TENM3: variants seen among roughly 807,000 people sequenced by gnomAD.
TENM3 encodes the protein teneurin-3.
TENM3 carries 63 observed loss-of-function variants against 255.1 expected under a neutral mutation model. The ratio of observed to expected loss-of-function variants is 0.25; its 90% CI spans 0.20 to 0.30. The LOEUF is 0.30. Ranked by LOEUF, TENM3 falls within the 10% of genes least tolerant of loss-of-function variation. TENM3 has a pLI of 1.00. For missense variants in TENM3, 2,929 were observed against 3,461.1 expected (o/e 0.85, Z 3.86); for synonymous variants, 1,306 against 1,322.3 (o/e 0.99, Z 0.27).
At chr4:181,467,054 T>G in the TENM3 span, among the ~76,000 whole-genome samples, 1 of 130,844 alleles carries the variant, frequency 7.6e-6, no homozygotes, top group Non-Finnish European at 1.6e-5. Context: ...TGGGTAATAT[T>G]TTACTAGTGT....
At chr4:181,669,377 T>C in the TENM3 span, among the ~76,000 whole-genome samples, 1 of 152,112 alleles carries the variant, frequency 6.6e-6, no homozygotes, top group African/African-American at 2.4e-5. Context: ...TTCTTGGGAG[T>C]TGGACCAAGA....
At chr4:181,868,181 C>T in the TENM3 span, among the ~76,000 whole-genome samples, 1 of 151,956 alleles carries the variant, frequency 6.6e-6, no homozygotes, top group Admixed American at 6.6e-5. Context: ...TCACCAGGAC[C>T]CACCCCATTA....
chr4:182,115,604 A>G, the TENM3 span, among the ~76,000 whole-genome samples: 11 of 152,354 alleles, frequency 7.2e-5, 1 homozygote, highest in African/African-American at 2.6e-4. Flanking sequence ...CTTTGATAAC[A>G]TAATTTCAGA....
At chr4:182,713,563 C>T (rs1355738403) in intron 12 of TENM3, among the ~76,000 whole-genome samples, 2 of 152,152 alleles carry the variant, frequency 1.3e-5, no homozygotes, top group Non-Finnish European at 2.9e-5. Flanking sequence ...ACGGCAACTC[C>T]GAGGCCAGAT....
At chr4:182,568,338 G>C (rs1560936545) in intron 3 of TENM3, among the ~76,000 whole-genome samples, 1 of 152,214 alleles carries the variant, frequency 6.6e-6, no homozygotes. Context: ...CTGCAGAAGA[G>C]AGGGAATAAT....
At chr4:181,884,597 T>G in the TENM3 span, among the ~76,000 whole-genome samples, 1 of 152,208 alleles carries the variant, frequency 6.6e-6, no homozygotes, top group Non-Finnish European at 1.5e-5. Context: ...AGCATAATGT[T>G]TTCAGGTTCA....
the TENM3 span, among the ~76,000 whole-genome samples, chr4:181,870,206 GC>G: frequency 3.9e-5 from 6 of 152,134 alleles, no homozygotes; most frequent in African/African-American, 1.4e-4. Context: ...TGATTAATAT[GC>G]CACAAATTTT....
At chr4:182,514,088 C>A (rs184454871) in intron 3 of TENM3, among the ~76,000 whole-genome samples, 2 of 152,236 alleles carry the variant, frequency 1.3e-5, no homozygotes, top group South Asian at 4.1e-4. Context: ...CATGCCCCCT[C>A]CTCTTGGGAA....
chr4:182,778,658 A>G (rs1387983044), intron 24 of TENM3, among the ~76,000 whole-genome samples: 1 of 152,190 alleles, frequency 6.6e-6, no homozygotes, highest in Admixed American at 6.5e-5. Flanking sequence ...CTTTTCAAGC[A>G]TATTCCAGAG....
chr4:182,302,379 T>G (rs899005669), intron 1 of TENM3, among the ~76,000 whole-genome samples: 1 of 152,146 alleles, frequency 6.6e-6, no homozygotes, highest in Non-Finnish European at 1.5e-5. Context: ...GGTGATTCTT[T>G]TTGGGTCACT....
At chr4:182,218,437 A>G (rs1755642040) in intron 1 of TENM3, among the ~76,000 whole-genome samples, 1 of 152,190 alleles carries the variant, frequency 6.6e-6, no homozygotes, top group African/African-American at 2.4e-5. Flanking sequence ...GTAATTGTGC[A>G]AATTCATATA....
chr4:181,606,426 G>A, the TENM3 span, among the ~76,000 whole-genome samples: 1 of 152,236 alleles, frequency 6.6e-6, no homozygotes, highest in African/African-American at 2.4e-5. Flanking sequence ...TCTCTTTGCT[G>A]AGAATGCCCT....
chr4:182,385,262 C>CT (rs397762118), intron 3 of TENM3, among the ~76,000 whole-genome samples: 75,511 of 111,168 alleles, frequency 0.68, 27,926 homozygotes, highest in Non-Finnish European at 0.79. Context: ...TATTGTGCGT[C>CT]TTTTTTTTTT....
the TENM3 span, among the ~76,000 whole-genome samples, chr4:182,072,144 C>G: frequency 6.6e-6 from 1 of 152,184 alleles, no homozygotes; most frequent in East Asian, 1.9e-4. Context: ...TGATGATAAT[C>G]CTTACTGCTT....
the TENM3 span, among the ~76,000 whole-genome samples, chr4:181,823,786 G>T: frequency 6.6e-6 from 1 of 152,196 alleles, no homozygotes; most frequent in East Asian, 1.9e-4. Flanking sequence ...AACCACTGAA[G>T]GAAACTATTG....
the TENM3 span, among the ~76,000 whole-genome samples, chr4:181,529,575 A>G: frequency 6.6e-6 from 1 of 152,184 alleles, no homozygotes; most frequent in East Asian, 1.9e-4. Context: ...GTTGTTATTC[A>G]CCCCATTATA....
the TENM3 span, among the ~76,000 whole-genome samples, chr4:182,099,277 T>TA: frequency 2.0e-5 from 3 of 152,132 alleles, no homozygotes; most frequent in Non-Finnish European, 4.4e-5. Flanking sequence ...TGTGCACAAT[T>TA]TTTATGTGTC....
At chr4:181,534,184 C>G in the TENM3 span, among the ~76,000 whole-genome samples, 1 of 149,852 alleles carries the variant, frequency 6.7e-6, no homozygotes, top group Non-Finnish European at 1.5e-5. Context: ...AGGTCAGGAT[C>G]ACACCATTGC....
intron 3 of TENM3, among the ~76,000 whole-genome samples, chr4:182,347,596 T>C (rs1234320426): frequency 6.6e-6 from 1 of 151,070 alleles, no homozygotes; most frequent in East Asian, 2.0e-4. Context: ...CAGCTTTTTG[T>C]ATATTGTAAG....
Sources: allele counts gnomAD v4.1 joint callset (sites outside exome capture counted in the v4.1 genomes callset), GRCh38; gene constraint gnomAD v4.1.1; transcripts MANE v1.5; gene names NCBI Gene and HGNC (gene_info 2026-07-23, HGNC 2026-07-21).